The following XPC variants were observed in gnomAD, a reference collection of about 807,000 sequenced individuals.
The protein encoded by XPC is XPC complex subunit, DNA damage recognition and repair factor.
A neutral mutation model predicts 95.8 loss-of-function variants in XPC; 76 were observed. The observed-to-expected ratio is 0.79, with a 90% CI of 0.66 to 0.96. XPC has a LOEUF of 0.96. Among genes scored for constraint, XPC ranks in the 40% least tolerant of loss-of-function variants. The pLI is 0.00. For missense variants in XPC, 1,146 were observed against 1,179.8 expected, an observed-to-expected ratio of 0.97 and a Z score of 0.42; for synonymous variants, 442 against 442.1, an observed-to-expected ratio of 1.00 and a Z score of 0.00.
chr3:14,165,299 T>G (rs1023005664), intron 6 of XPC, 129 bp downstream of exon 6: 2 of 1,267,236 alleles, frequency 1.6e-6, no homozygotes, highest in Non-Finnish European at 2.1e-6. Flanking sequence ...CTATCTTCAA[T>G]GCCATGCCCA....
rs373883060 is a variant in XPC at position 14,158,409 on chromosome 3, G to A, written c.1474C>T (p.Arg492Cys). ...GCCGCTGGCAAGCTTGGGTCCTTAC[G>A]ATGGCTCCCACGATGGGTCCTGGAG... ...SASRTHRGSHRKDPSLPAASS... is the reference protein window; with the variant it reads ...SASRTHRGSHCKDPSLPAASS... Residue 492 changes from arginine to cysteine, a missense_variant, in exon 9 of 16, where the codon CGT becomes TGT. Physicochemically the swap from Arg to Cys is radical, Grantham distance 180. Transcript: ENST00000285021. This position sits in a 1 kb window ranked among gnomAD's most constrained non-coding sequence, Gnocchi z 5.2. The A allele has an allele frequency of 1.3e-5, 21 of 1,613,806 alleles. No individual in the cohort carries two copies. The East Asian group carries it at 1.6e-4, about 12-fold the overall frequency.
chr3:14,177,568 G>A (rs1256321983), intron 1 of XPC, among the ~76,000 whole-genome samples: 1 of 151,864 alleles, frequency 6.6e-6, no homozygotes, highest in Non-Finnish European at 1.5e-5. Context: ...ATCTGGCAAG[G>A]AAACAAGTGG....
intron 13 of XPC, 87 bp from the exon 14 acceptor site, chr3:14,148,088 C>T: frequency 9.0e-7 from 1 of 1,107,716 alleles, no homozygotes; most frequent in Non-Finnish European, 1.3e-6. Flanking sequence ...GACAGTGGGC[C>T]ACATCTGAGC....
chr3:14,151,992 G>C (rs993679461), intron 11 of XPC, among the ~76,000 whole-genome samples: 1 of 151,962 alleles, frequency 6.6e-6, no homozygotes, highest in Admixed American at 6.6e-5. Flanking sequence ...AATCTGACTG[G>C]AGAACGTGCT....
intron 15 of XPC, 82 bp downstream of exon 15, chr3:14,147,208 G>T: frequency 7.0e-7 from 1 of 1,423,764 alleles, no homozygotes; most frequent in Non-Finnish European, 9.6e-7. Context: ...GGCTGGGGCA[G>T]AATCTGGGCC....
chr3:14,161,918 A>T (rs1341683833), intron 7 of XPC, among the ~76,000 whole-genome samples: 1 of 152,156 alleles, frequency 6.6e-6, no homozygotes. Flanking sequence ...AGAATGCACA[A>T]GAAAGCTAGT....
In XPC at chr3:14,167,018, C is replaced by T. The variant is rs960163106; in HGVS notation, c.621+151G>A. 22 of 575,068 alleles carry T rather than the reference C, an allele frequency of 3.8e-5. No individual in the cohort carries two copies. In the African/African-American group the frequency reaches 4.1e-4, roughly 11 times the overall value. The allele number at this position is 575,068 out of a possible 1,614,324, so 35.6% of individuals were successfully genotyped here. On this transcript the variant is annotated intron_variant, in intron 5 of 15. Transcript: ENST00000285021. Reference sequence around the variant, plus strand: ...CCCTCCAAGACAGACACTATTACTACCCCCACCTCCCAGATGAGGATGCAA... The same window carrying T: ...CCCTCCAAGACAGACACTATTACTATCCCCACCTCCCAGATGAGGATGCAA...
At chr3:14,157,920 C>A in intron 9 of XPC, 91 bp downstream of exon 9, 1 of 1,480,080 alleles carries the variant, frequency 6.8e-7, no homozygotes, top group Non-Finnish European at 9.0e-7. Flanking sequence ...AAACACCCAA[C>A]ATAGTGCTGG....
At position 14,173,041 on chromosome 3, in the gene XPC, G is replaced by T. The variant is rs373913397; in HGVS notation, c.125C>A (p.Pro42His). The part of the protein sequence containing the change: ...EEEDAFEDEK[P>H]PKKSLLSKVS... ...TTTGGAGAGAAGGCTCTTCTTTGGG[G>T]GTTTCTCATCTTCAAAGGCATCTAG... Residue 42 changes from proline (P) to histidine (H), a missense_variant, in exon 2 of 16, where the codon CCC becomes CAC. By Grantham distance (77) the Pro-to-His change is moderately conservative (BLOSUM62 -2). Transcript: ENST00000285021. 2 of 1,593,142 alleles carry T rather than the reference G, an allele frequency of 1.3e-6. No individual in the cohort carries two copies. Among genetic ancestry groups the T allele is most frequent in the Non-Finnish European group, 1.7e-6 (2 of 1,170,120 alleles).
rs1695510297 is a variant in XPC at position 14,147,931 on chromosome 3, C to G, written c.2491G>C (p.Val831Leu). 1.2e-6 allele frequency: 2 copies of G among 1,603,258 alleles called. No individual in the cohort carries two copies. Among genetic ancestry groups the G allele is most frequent in the Non-Finnish European group, 1.7e-6 (2 of 1,174,400 alleles). ...LLTAWENEQAVIERKEKEKKE... is the reference protein window; with the variant it reads ...LLTAWENEQALIERKEKEKKE... Reference sequence around the variant, plus strand: ...ACCTCCTTCTCCTTCCTTTCAATGACTGCCTGCTCATTTTCCCAGGCAGTC... The same window carrying G: ...ACCTCCTTCTCCTTCCTTTCAATGAGTGCCTGCTCATTTTCCCAGGCAGTC... Residue 831 changes from valine (V) to leucine (L), a missense_variant, in exon 14 of 16, where the codon GTC (valine) becomes CTC (leucine). By Grantham distance (32) the Val-to-Leu change is conservative (BLOSUM62 1). Transcript: ENST00000285021.
intron 10 of XPC, among the ~76,000 whole-genome samples, chr3:14,154,485 C>T (rs907583483): frequency 2.1e-5 from 3 of 144,744 alleles, no homozygotes; most frequent in Non-Finnish European, 4.5e-5. Context: ...GAAATTCTGA[C>T]CCATGCTACA....
intron 4 of XPC, 50 bp downstream of exon 4, chr3:14,168,207 T>C: frequency 6.4e-7 from 1 of 1,560,930 alleles, no homozygotes; most frequent in Non-Finnish European, 8.6e-7. Flanking sequence ...AAGCAGCAGC[T>C]GTTGCCTACT....
intron 10 of XPC, 158 bp from the exon 11 acceptor site, chr3:14,152,574 A>G (rs950008428): frequency 3.3e-6 from 2 of 614,850 alleles, no homozygotes; most frequent in Non-Finnish European, 5.4e-6. Flanking sequence ...TGTGCTAGGC[A>G]AACAGCCTTG....
intron 10 of XPC, chr3:14,152,662 A>G: frequency 2.4e-6 from 1 of 422,444 alleles, no homozygotes; most frequent in South Asian, 3.9e-5. Flanking sequence ...TGCCTCCACC[A>G]CTCCTCCCCT....
At chr3:14,151,422 G>A (rs940923844) in intron 11 of XPC, 1 of 152,336 alleles carries the variant, frequency 6.6e-6, no homozygotes, top group South Asian at 2.1e-4. Context: ...CTGCTATGCT[G>A]GTTCCAGCAC....
At position 14,147,395 on chromosome 3, in the gene XPC, A is replaced by G. The variant is rs1335413777; in HGVS notation, c.2515-16T>C. 6.3e-7 allele frequency: 1 copy of G among 1,591,976 alleles called. No homozygotes were observed. The highest frequency in any genetic ancestry group is 1.8e-5 in the Admixed American group (1 of 56,348). ...TCTCCTTTTTCTGCAGGCAAAAATG[A>G]AGTGGGAGAAAAGTGTTAAGCACTG... On this transcript the variant is annotated splice_polypyrimidine_tract_variant and intron_variant, in intron 14 of 15. Transcript: ENST00000285021.
chr3:14,147,873 C>A (rs375964728), intron 14 of XPC, 35 bp downstream of exon 14: 4 of 1,556,012 alleles, frequency 2.6e-6, no homozygotes, highest in Non-Finnish European at 3.5e-6. Context: ...TTGCTTCCCG[C>A]TTCTGCTGTC....
At chr3:14,161,115 T>C (rs994372270) in intron 7 of XPC, among the ~76,000 whole-genome samples, 1 of 152,090 alleles carries the variant, frequency 6.6e-6, no homozygotes, top group Non-Finnish European at 1.5e-5. Flanking sequence ...CCCAGAAACA[T>C]ACATATATGA....
At chr3:14,164,073 A>C (rs1696272709) in intron 7 of XPC, among the ~76,000 whole-genome samples, 1 of 152,218 alleles carries the variant, frequency 6.6e-6, no homozygotes, top group Non-Finnish European at 1.5e-5. Context: ...AACAAACAAA[A>C]AAATTGGCAG....
Sources: gnomAD v4.1 joint callset for allele counts (sites outside exome capture counted in the v4.1 genomes callset) on GRCh38, gnomAD v4.1.1 for gene constraint, Gnocchi (gnomAD v3.1) non-coding constraint, MANE v1.5 for transcripts, NCBI Gene and HGNC (gene_info 2026-07-23, HGNC 2026-07-21) for gene names.